HUWE1: variants seen among roughly 807,000 people sequenced by gnomAD.
The protein encoded by HUWE1 is E3 ubiquitin-protein ligase HUWE1.
A neutral mutation model predicts 299.4 loss-of-function variants in HUWE1; 18 were observed. The ratio of observed to expected loss-of-function variants is 0.06; its 90% CI spans 0.04 to 0.09. The LOEUF (loss-of-function observed/expected upper bound fraction) is 0.09. HUWE1 is among the 10% of genes least tolerant of loss of function. The probability of loss-of-function intolerance (pLI) is 1.00; values close to 1 mark genes in which losing one functional copy is unlikely to be tolerated. For missense variants in HUWE1, 1,832 were observed against 3,462.3 expected, an observed-to-expected ratio of 0.53 and a Z score of 11.82; for synonymous variants, 1,317 against 1,286.1, an observed-to-expected ratio of 1.02 and a Z score of -0.51.
Position 53,607,580 on chromosome X carries a change from A to G in HUWE1, c.2439T>C (p.Ile813=). 1 of 1,211,625 alleles carries G rather than the reference A, an allele frequency of 8.3e-7. No homozygotes were observed. Residue 813 remains isoleucine, a synonymous_variant, in exon 25 of 84, where the codon ATT becomes ATC. Transcript: ENST00000262854. ...GACAGGCAGCAGATGTGGGAAAGTC[A>G]ATGGGCAGATTGGGAAGACCCAAAA... is the stretch of plus-strand genomic sequence containing the variant. The part of the protein sequence containing the change: ...VTILGLPNLP[I]DFPTSAACQA...
intron 40 of HUWE1, 33 bp downstream of exon 40, chrX:53,584,979 C>G (rs369012983): frequency 8.3e-7 from 1 of 1,206,750 alleles, no homozygotes; most frequent in Non-Finnish European, 1.1e-6. Flanking sequence ...CTGTGGTCCA[C>G]GGGTTAGACA....
At chrX:53,646,623 A>G (rs782769557) in intron 6 of HUWE1, among the ~76,000 whole-genome samples, 4 of 111,943 alleles carry the variant, frequency 3.6e-5, no homozygotes, top group African/African-American at 9.7e-5. Flanking sequence ...TTCATCTTCA[A>G]CAGACTGCCT....
In HUWE1 at chrX:53,546,600, A is replaced by G. The variant is rs1263815955; in HGVS notation, c.10759-8T>C. 3.3e-6 allele frequency: 4 copies of G among 1,210,021 alleles called. No homozygotes were observed. Among genetic ancestry groups the G allele is most frequent in the Non-Finnish European group, 3.4e-6 (3 of 894,565 alleles). On this transcript the variant is annotated splice_region_variant and splice_polypyrimidine_tract_variant and intron_variant, in intron 69 of 83. Transcript: ENST00000262854. The stretch of plus-strand genomic sequence containing the variant: ...AGAGTGGGATGTCAACACCTGAGAA[A>G]AAGAAGACAGAAGGAGTAAGCCCCA...
intron 3 of HUWE1, among the ~76,000 whole-genome samples, chrX:53,671,972 G>A (rs920782417): frequency 2.8e-5 from 3 of 108,853 alleles, no homozygotes; most frequent in Non-Finnish European, 5.7e-5. Flanking sequence ...AGCAAAAGGT[G>A]TGAACAAAGC....
intron 21 of HUWE1, 94 bp downstream of exon 21, chrX:53,616,876 C>T (rs1268435610): frequency 4.1e-6 from 3 of 739,745 alleles, no homozygotes; most frequent in East Asian, 6.9e-5. Flanking sequence ...ACTTAGCACA[C>T]CTAACCAGTA....
chrX:53,634,846 T>A (rs2067104479), intron 7 of HUWE1, among the ~76,000 whole-genome samples: 1 of 112,279 alleles, frequency 8.9e-6, no homozygotes, highest in Admixed American at 9.4e-5. Flanking sequence ...ATCTAAAACC[T>A]CATCAACAAG....
chrX:53,611,875 TAAATA>T (rs1182170357), intron 23 of HUWE1, among the ~76,000 whole-genome samples: 74 of 107,980 alleles, frequency 6.9e-4, no homozygotes, highest in African/African-American at 1.3e-3. Flanking sequence ...AAAAAATAAA[TAAATA>T]AAATAAAATA....
In HUWE1 at chrX:53,602,576, C is replaced by T. The variant is rs1179696036; in HGVS notation, c.2959G>A (p.Gly987Arg). 3 of 1,163,324 alleles carry T rather than the reference C, an allele frequency of 2.6e-6. No homozygotes were observed. The highest frequency in any genetic ancestry group is 3.5e-6 in the Non-Finnish European group (3 of 854,680). Residue 987 changes from glycine (G) to arginine (R), a missense_variant, in exon 28 of 84, where the codon GGA (glycine) becomes AGA (arginine). Physicochemically the swap from Gly to Arg is moderately radical, Grantham distance 125. Around this residue, in one of 15 missense-constraint regions of HUWE1, gnomAD observed 658 missense variants for 1,282.6 expected, o/e 0.51. Transcript: ENST00000262854. ...TTCTTAGAGTTACCTGATCTTTTTCCGCCCTGGGTCGTACCTGCCTTCTCA... is the reference window on the plus strand; with the variant it reads ...TTCTTAGAGTTACCTGATCTTTTTCTGCCCTGGGTCGTACCTGCCTTCTCA... ...KDEKAGTTQGGKRSDGEQDGA... is the reference protein window; with the variant it reads ...KDEKAGTTQGRKRSDGEQDGA...
At chrX:53,564,408 C>G (rs1556943757) in intron 51 of HUWE1, among the ~76,000 whole-genome samples, 166 bp downstream of exon 51, 1 of 111,286 alleles carries the variant, frequency 9.0e-6, no homozygotes, top group Admixed American at 9.6e-5. Flanking sequence ...TCTTTTAATA[C>G]AGTACAAACA....
Position 53,550,937 on chromosome X carries a change from T to C in HUWE1, c.9349A>G (p.Ser3117Gly). 2 of 1,211,878 alleles carry C rather than the reference T, an allele frequency of 1.7e-6. No individual in the cohort carries two copies. Among genetic ancestry groups the C allele is most frequent in the Non-Finnish European group, 2.2e-6 (2 of 895,533 alleles). ...AGAATAGCAGAGAGTGCGGAGGTGC[T>C]ACTGTGCCCAAACAGACGCTCATGC... ...LMHERLFGHSSTSALSAILRS... is the reference protein window; with the variant it reads ...LMHERLFGHSGTSALSAILRS... The change falls in exon 65 of 84, where the codon AGC (serine) becomes GGC (glycine). Residue 3117 changes from serine (S) to glycine (G), a missense_variant. Physicochemically the swap from Ser to Gly is moderately conservative, Grantham distance 56. Around this residue, in one of 15 missense-constraint regions of HUWE1, gnomAD observed 91 missense variants for 281.2 expected, o/e 0.32. Transcript: ENST00000262854.
At chrX:53,615,626 C>A in intron 22 of HUWE1, 118 bp downstream of exon 22, 1 of 537,993 alleles carries the variant, frequency 1.9e-6, no homozygotes, top group Non-Finnish European at 3.3e-6. Flanking sequence ...ATGAGGCAGA[C>A]ATAATGCTCT....
At chrX:53,598,539 C>T (rs1299837324) in intron 29 of HUWE1, among the ~76,000 whole-genome samples, 1 of 111,285 alleles carries the variant, frequency 9.0e-6, no homozygotes, top group Non-Finnish European at 1.9e-5. Flanking sequence ...CTATGATGAT[C>T]CTCTTAATGA....
Position 53,564,621 on chromosome X carries a change from C to T in HUWE1, c.6982G>A (p.Val2328Met), listed in dbSNP as rs2062443389. The T allele has an allele frequency of 8.3e-7, 1 of 1,209,781 alleles. No individual in the cohort carries two copies. Among genetic ancestry groups the T allele is most frequent in the Middle Eastern group, 2.3e-4 (1 of 4,375 alleles). ...IMDGEAETDS[V>M]VIAGQPEVLS... ...ACCTCAGGCTGCCCAGCAATCACCA[C>T]TGAGTCGGTTTCAGCCTCCCCATCC... The change falls in exon 51 of 84, where the codon GTG becomes ATG. Residue 2328 changes from valine (V) to methionine (M), a missense_variant. Physicochemically the swap from Val to Met is conservative, Grantham distance 21 (BLOSUM62 1). Coordinates refer to ENST00000262854, the MANE Select transcript of HUWE1 (RefSeq NM_031407.7).
chrX:53,598,042 G>C (rs1412114243), intron 29 of HUWE1, among the ~76,000 whole-genome samples: 1 of 111,777 alleles, frequency 8.9e-6, no homozygotes, highest in Non-Finnish European at 1.9e-5. Context: ...CATGGGTGAA[G>C]AATTTCAGGA....
intron 37 of HUWE1, 102 bp downstream of exon 37, chrX:53,588,280 T>A: frequency 1.2e-6 from 1 of 856,550 alleles, no homozygotes; most frequent in Non-Finnish European, 1.7e-6. Context: ...GCAGGACTCA[T>A]GCCTTATTCT....
At position 53,552,667 on chromosome X, in the gene HUWE1, T is replaced by C. The variant is rs781796388; in HGVS notation, c.8721A>G (p.Ser2907=). Residue 2907 remains serine, a synonymous_variant, in exon 62 of 84, where the codon TCA becomes TCG. Transcript: ENST00000262854. ...VAEVQGRSDG[S]GESAQPPEDS... ...CCTCAGGTGGCTGGGCAGATTCCCC[T>C]GACCCATCACTCCTGCCTTGCACTT... 7 of 1,210,506 alleles carry C rather than the reference T, an allele frequency of 5.8e-6. No individual in the cohort carries two copies. In the African/African-American group the frequency reaches 1.0e-4, roughly 18 times the overall value.
intron 29 of HUWE1, among the ~76,000 whole-genome samples, chrX:53,599,743 G>T (rs1030541749): frequency 8.9e-6 from 1 of 112,198 alleles, no homozygotes; most frequent in Non-Finnish European, 1.9e-5. Context: ...AGATGGAGAT[G>T]GTGGGTCAAC....
At position 53,681,371 on chromosome X, in the gene HUWE1, T is replaced by C. The variant is rs782215216; in HGVS notation, c.-162-1185A>G. On this transcript the variant is annotated intron_variant, in intron 2 of 83. Coordinates refer to ENST00000262854, the MANE Select transcript of HUWE1 (RefSeq NM_031407.7). ...ATCGCTTGAACCCAGGAGGCGGAGG[T>C]TGCAGTGAGCCGAGATCGCGCCACT... Among the ~76,000 whole-genome samples the C allele has an allele frequency of 2.8e-3, 299 of 105,359 alleles. 1 individual carries two copies. Among genetic ancestry groups the C allele is most frequent in the Non-Finnish European group, 4.6e-3 (238 of 51,359 alleles). 91.5% of individuals were successfully genotyped at this position (105,359 alleles called of 115,157 possible).
chrX:53,671,276 G>A (rs2069514989), intron 3 of HUWE1, among the ~76,000 whole-genome samples: 1 of 110,945 alleles, frequency 9.0e-6, no homozygotes, highest in Non-Finnish European at 1.9e-5. Flanking sequence ...AAAAACCTAT[G>A]GAAATAAAAA....
Sources: gnomAD v4.1 joint callset for allele counts (sites outside exome capture counted in the v4.1 genomes callset) on GRCh38, gnomAD v4.1.1 for gene constraint, gnomAD v4.1.1 regional missense constraint, MANE v1.5 for transcripts, NCBI Gene and HGNC (gene_info 2026-07-23, HGNC 2026-07-21) for gene names.